MTMR12: variants seen among roughly 807,000 people sequenced by gnomAD.
MTMR12 encodes the protein myotubularin-related protein 12.
Under a neutral mutation model 96.7 loss-of-function variants are expected in MTMR12, and 33 were observed. The ratio of observed to expected loss-of-function variants is 0.34; its 90% CI spans 0.26 to 0.46. The LOEUF is 0.46. MTMR12 is among the 20% of genes least tolerant of loss of function. The pLI is 1.00. For synonymous variants in MTMR12, 298 were observed against 327.2 expected, an observed-to-expected ratio of 0.91 and a Z score of 0.96; for missense variants, 721 against 896.1, an observed-to-expected ratio of 0.80 and a Z score of 2.49.
chr5:32,249,169 T>C (rs1034704814), intron 8 of MTMR12, among the ~76,000 whole-genome samples: 1 of 152,220 alleles, frequency 6.6e-6, no homozygotes, highest in Non-Finnish European at 1.5e-5. Flanking sequence ...ATTATTATTA[T>C]TAGGATAGTA....
chr5:32,274,186 A>C, intron 2 of MTMR12, 64 bp from the exon 3 acceptor site: 1 of 1,556,676 alleles, frequency 6.4e-7, no homozygotes, highest in Non-Finnish European at 8.7e-7. Flanking sequence ...GCAAACACTA[A>C]AGGCTTTCCA....
At chr5:32,269,788 C>A (rs909185545) in intron 5 of MTMR12, among the ~76,000 whole-genome samples, 8 of 152,194 alleles carry the variant, frequency 5.3e-5, no homozygotes, top group African/African-American at 1.9e-4. Context: ...TGTTCTGATC[C>A]ATTGTTGAGG....
At chr5:32,277,725 A>G (rs886862749) in intron 1 of MTMR12, among the ~76,000 whole-genome samples, 4 of 151,446 alleles carry the variant, frequency 2.6e-5, no homozygotes, top group Non-Finnish European at 5.9e-5. Context: ...AAGAAAGAAA[A>G]GAGACAACAC....
chr5:32,240,298 C>T (rs759127475), intron 12 of MTMR12, among the ~76,000 whole-genome samples: 7 of 151,468 alleles, frequency 4.6e-5, no homozygotes, highest in Non-Finnish European at 1.0e-4. Context: ...ACTCAGGAGG[C>T]TGAGGCAGAA....
chr5:32,255,171 G>A (rs1749088530), intron 8 of MTMR12, among the ~76,000 whole-genome samples: 2 of 152,182 alleles, frequency 1.3e-5, no homozygotes, highest in Admixed American at 1.3e-4. Flanking sequence ...ATACCCTGCA[G>A]GCCTGGCAAT....
chr5:32,246,398 G>C (rs138029950), intron 10 of MTMR12, among the ~76,000 whole-genome samples: 1 of 152,192 alleles, frequency 6.6e-6, no homozygotes, highest in Non-Finnish European at 1.5e-5. Context: ...CTGAACTCAA[G>C]TTATCCGCCC....
At chr5:32,307,599 T>C (rs948727411) in intron 1 of MTMR12, among the ~76,000 whole-genome samples, 5 of 152,336 alleles carry the variant, frequency 3.3e-5, no homozygotes, top group African/African-American at 1.2e-4. Context: ...TACAAAATTA[T>C]GGTTTTAACT....
chr5:32,254,831 C>G (rs573636719), intron 8 of MTMR12, among the ~76,000 whole-genome samples: 1 of 151,874 alleles, frequency 6.6e-6, no homozygotes, highest in Non-Finnish European at 1.5e-5. Context: ...GCAACAAGAG[C>G]AAAACTCCGT....
chr5:32,312,454 A>G lies in MTMR12; in HGVS notation c.81+304T>C, dbSNP rs1039662485. Reference sequence around the variant, plus strand: ...CCCTCCCAGCAGTGCCCACAACCCCAGGTCCTCTCCAGAATCCCCAGGGGC... The same window carrying G: ...CCCTCCCAGCAGTGCCCACAACCCCGGGTCCTCTCCAGAATCCCCAGGGGC... On this transcript the variant is annotated intron_variant, in intron 1 of 15. Coordinates refer to ENST00000382142, the MANE Select transcript of MTMR12 (RefSeq NM_001040446.3). The surrounding 1 kb of genome is among the most constrained non-coding windows in gnomAD (Gnocchi z 5.0). Among the ~76,000 whole-genome samples the G allele has an allele frequency of 1.3e-5, 2 of 152,092 alleles. No homozygotes were observed. The highest frequency in any genetic ancestry group is 4.8e-5 in the African/African-American group (2 of 41,426).
In MTMR12 at chr5:32,248,092, T is replaced by C; in HGVS notation, c.931A>G (p.Ile311Val). The change falls in exon 10 of 16, where the codon ATT (isoleucine) becomes GTT (valine). Residue 311 changes from isoleucine (I) to valine (V), a missense_variant. Ile to Val is a conservative substitution (Grantham distance 29). Coordinates refer to ENST00000382142, the MANE Select transcript of MTMR12 (RefSeq NM_001040446.3). ...CTTGACAGGTCTTCCGTTTTAACAA[T>C]TTCATAGGGTGGCCTGTGGATGGTC... The part of the protein sequence containing the change: ...YKTIHRPPYE[I>V]VKTEDLSSNF... The C allele has an allele frequency of 1.2e-6, 2 of 1,614,062 alleles. No homozygotes were observed. Among genetic ancestry groups the C allele is most frequent in the Non-Finnish European group, 1.7e-6 (2 of 1,179,930 alleles).
intron 1 of MTMR12, among the ~76,000 whole-genome samples, chr5:32,305,739 A>G (rs1265329957): frequency 3.9e-5 from 6 of 152,166 alleles, no homozygotes; most frequent in Non-Finnish European, 7.4e-5. Flanking sequence ...TCCTGTCTCT[A>G]CTAAAAATAC....
intron 11 of MTMR12, 56 bp downstream of exon 11, chr5:32,243,465 A>T: frequency 1.6e-6 from 2 of 1,246,270 alleles, no homozygotes; most frequent in Non-Finnish European, 1.2e-6. Flanking sequence ...GGTTTGATCT[A>T]CTACCCTGAG....
chr5:32,263,974 C>T (rs1391366088), intron 6 of MTMR12, among the ~76,000 whole-genome samples: 1 of 152,206 alleles, frequency 6.6e-6, no homozygotes, highest in African/African-American at 2.4e-5. Flanking sequence ...TGTAAATCCT[C>T]CTTCAGTTTG....
intron 10 of MTMR12, 180 bp downstream of exon 10, chr5:32,247,822 G>A: frequency 4.1e-6 from 4 of 980,970 alleles, no homozygotes; most frequent in Non-Finnish European, 4.8e-6. Flanking sequence ...GGAAAGCCTG[G>A]AGAGAGATGG....
Position 32,268,746 on chromosome 5 carries a change from G to A in MTMR12, c.538C>T (p.Arg180Ter), listed in dbSNP as rs150354971. 16 of 1,613,886 alleles carry A rather than the reference G, an allele frequency of 9.9e-6. No homozygotes were observed. Among genetic ancestry groups the A allele is most frequent in the Non-Finnish European group, 1.4e-5 (16 of 1,179,920 alleles). The change falls in exon 6 of 16, where the codon CGA becomes TGA. Residue 180 changes from arginine (R) to a stop codon, truncating the protein, a stop_gained. Transcript: ENST00000382142. LOFTEE classifies it high-confidence loss of function. Reference protein sequence around the residue: ...HHTQAPKLLKRLFLFSYATAA... With the variant: ...HHTQAPKLLK Reference sequence around the variant, plus strand: ...GTCGCATAGGAAAACAGAAATAATCGTTTAAGCAGTTTAGGAGCCTGGGTA... The same window carrying A: ...GTCGCATAGGAAAACAGAAATAATCATTTAAGCAGTTTAGGAGCCTGGGTA...
chr5:32,280,975 TGGTGGCTCACACCAGTAATCACAGC>T (rs1750269357), intron 1 of MTMR12, among the ~76,000 whole-genome samples: 1 of 151,860 alleles, frequency 6.6e-6, no homozygotes, highest in Non-Finnish European at 1.5e-5. Flanking sequence ...CGGCAGGGTG[TGGTGGCTCACACCAGTAATCACAGC>T]ACTTTGGGAG....
Position 32,229,825 on chromosome 5 carries a change from C to A in MTMR12, c.2197G>T (p.Asp733Tyr). ...AACTCATCTTCTCGTTTGGCCAAAT[C>A]GTCTTCATCTCCCAAAGCTTTCCAG... ...SGWKALGDED[D>Y]LAKREDEFVD... Residue 733 changes from aspartate (D) to tyrosine (Y), a missense_variant, in exon 16 of 16, where the codon GAT becomes TAT. Asp to Tyr is a radical substitution (Grantham distance 160). Coordinates refer to ENST00000382142, the MANE Select transcript of MTMR12 (RefSeq NM_001040446.3). 6.4e-7 allele frequency: 1 copy of A among 1,574,664 alleles called. No individual in the cohort carries two copies.
At chr5:32,310,942 C>T (rs563052874) in intron 1 of MTMR12, among the ~76,000 whole-genome samples, 1 of 150,750 alleles carries the variant, frequency 6.6e-6, no homozygotes, top group Non-Finnish European at 1.5e-5. Context: ...GGCGCGATCT[C>T]GGCTCACTGC....
chr5:32,267,354 C>T (rs555071680), intron 6 of MTMR12, among the ~76,000 whole-genome samples: 7 of 135,262 alleles, frequency 5.2e-5, no homozygotes, highest in South Asian at 4.6e-4. Flanking sequence ...CCAGCCTGGG[C>T]GACAGTGGGA....
Sources: allele counts gnomAD v4.1 joint callset (sites outside exome capture counted in the v4.1 genomes callset), GRCh38; gene constraint gnomAD v4.1.1; non-coding constraint Gnocchi (gnomAD v3.1); transcripts MANE v1.5; gene names NCBI Gene and HGNC (gene_info 2026-07-23, HGNC 2026-07-21).